Variants in PHYKPL observed in about 807,000 individuals in gnomAD.
PHYKPL encodes 5-phosphonooxy-L-lysine phospho-lyase.
In PHYKPL, 42 loss-of-function variants were observed where a neutral mutation model predicts 51.3. That is an observed-to-expected ratio of 0.82 (90% CI 0.64 to 1.06). PHYKPL has a LOEUF of 1.06. Among genes scored for constraint, PHYKPL ranks in the 50% least tolerant of loss-of-function variants. PHYKPL has a pLI of 0.00. For missense variants in PHYKPL, 655 were observed against 586.6 expected, an observed-to-expected ratio of 1.12 and a Z score of -1.20; for synonymous variants, 264 against 236.0, an observed-to-expected ratio of 1.12 and a Z score of -1.09.
In PHYKPL at chr5:178,224,638, A is replaced by G; in HGVS notation, c.501+4T>C. ...GACCTGTTGTTGAGTTGGGCAGTGC[A>G]TACCACGTGGACCCACTCCTTCTGG... On this transcript the variant is annotated splice_donor_region_variant and intron_variant, in intron 5 of 12. Transcript: ENST00000308158. The G allele has an allele frequency of 6.2e-7, 1 of 1,614,232 alleles. No homozygotes were observed.
At chr5:178,207,691 C>CTTTTTTTTTTTTTTTTTTTTTT, downstream of PHYKPL, among the ~76,000 whole-genome samples, 1 of 78,756 alleles carries the variant, frequency 1.3e-5, no homozygotes, top group Non-Finnish European at 2.3e-5. Flanking sequence ...ACTTTGAGCA[C>CTTTTTTTTTTTTTTTTTTTTTT]TTTTTTTTTT....
In PHYKPL at chr5:178,222,391, C is replaced by T. The variant is rs771407068; in HGVS notation, c.891G>A (p.Arg297=). 4 of 1,613,964 alleles carry T rather than the reference C, an allele frequency of 2.5e-6. No homozygotes were observed. Among genetic ancestry groups the T allele is most frequent in the Non-Finnish European group, 3.4e-6 (4 of 1,179,830 alleles). Residue 297 remains arginine, a synonymous_variant, in exon 8 of 13, where the codon AGG becomes AGA. Coordinates refer to ENST00000308158, the MANE Select transcript of PHYKPL (RefSeq NM_153373.4). ...ACVAATQPVA[R]AFEATGVEYF... ...ACTCAACGCCGGTGGCTTCAAATGC[C>T]CTCGCCACAGGCTGGGTTGCGGCCA...
intron 1 of PHYKPL, chr5:178,231,800 G>C (rs1046015844): frequency 1.4e-6 from 2 of 1,408,844 alleles, no homozygotes; most frequent in Admixed American, 2.2e-5. Context: ...ATGTGTCCGC[G>C]TCAGTCTCCC....
Position 178,231,415 on chromosome 5 carries a change from A to G in PHYKPL, c.168T>C (p.Asn56=), listed in dbSNP as rs1186255696. ...QGAEYIDCIS[N]VAHVGHCHPL... is the part of the protein sequence containing the mutation. ...AGGTGTGATACTGACCGTGCGCCACATTGCTGATGCAATCGATGTATTCTG... is the reference window on the plus strand; with the variant it reads ...AGGTGTGATACTGACCGTGCGCCACGTTGCTGATGCAATCGATGTATTCTG... Residue 56 remains asparagine (N), a synonymous_variant, in exon 2 of 13, where the codon AAT becomes AAC. Transcript: ENST00000308158. 5.6e-6 allele frequency: 9 copies of G among 1,614,070 alleles called. No homozygotes were observed. The highest frequency in any genetic ancestry group is 1.7e-5 in the Admixed American group (1 of 59,994).
chr5:178,211,023 G>A (rs1427714016), intron 12 of PHYKPL: 2 of 197,752 alleles, frequency 1.0e-5, no homozygotes, highest in South Asian at 1.0e-4. Context: ...TTCCTGTAAC[G>A]GAAGTGTTAA....
chr5:178,228,568 C>G (rs771652697), intron 3 of PHYKPL: 2 of 702,614 alleles, frequency 2.8e-6, no homozygotes, highest in South Asian at 3.0e-5. Context: ...AAGTTCCTTT[C>G]TTTGAACTGC....
At chr5:178,232,274 G>T (rs1477512724) in intron 1 of PHYKPL, 7 of 1,240,262 alleles carry the variant, frequency 5.6e-6, no homozygotes, top group Admixed American at 4.1e-5. Flanking sequence ...CGCTGTCGGG[G>T]AGGCGGCCCC....
intron 3 of PHYKPL, among the ~76,000 whole-genome samples, chr5:178,226,927 ATATG>A (rs1762405361): frequency 6.6e-6 from 1 of 152,130 alleles, no homozygotes; most frequent in Non-Finnish European, 1.5e-5. Flanking sequence ...ATTTATATAT[ATATG>A]TGTGTATATA....
rs1199851364 is a variant in PHYKPL at position 178,231,517 on chromosome 5, G to A, written c.66C>T (p.Ser22=). Residue 22 remains serine, a synonymous_variant, in exon 2 of 13, where the codon TCC becomes TCT. Transcript: ENST00000308158. The stretch of plus-strand genomic sequence containing the variant: ...GATCCTCGGGAAAAAAGAGTCTGCA[G>A]GAAGAGCTGTGGGGACAGGCAAGGA... ...LALRQRLISS[S]CRLFFPEDPV... is the part of the protein sequence containing the mutation. 10 of 1,614,076 alleles carry A rather than the reference G, an allele frequency of 6.2e-6. No homozygotes were observed. In the Admixed American group the frequency reaches 1.5e-4, roughly 24 times the overall value.
intron 12 of PHYKPL, chr5:178,210,467 G>A (rs546444884): frequency 6.7e-7 from 1 of 1,499,630 alleles, no homozygotes; most frequent in East Asian, 2.3e-5. Flanking sequence ...CACGGCTGGT[G>A]AGGGTCCTGG....
At chr5:178,223,385 T>G (rs772085566) in intron 6 of PHYKPL, 6 of 456,606 alleles carry the variant, frequency 1.3e-5, no homozygotes, top group Non-Finnish European at 2.2e-5. Context: ...CTGAATGCCT[T>G]TTCCAGTCCA....
intron 3 of PHYKPL, among the ~76,000 whole-genome samples, chr5:178,229,052 C>T (rs929095174): frequency 4.0e-5 from 6 of 151,776 alleles, no homozygotes; most frequent in Non-Finnish European, 1.5e-5. Flanking sequence ...AGGGCCTTTC[C>T]ACAGGCAGTT....
At position 178,229,941 on chromosome 5, in the gene PHYKPL, C is replaced by T; in HGVS notation, c.337G>A (p.Gly113Arg). Residue 113 changes from glycine to arginine, a missense_variant and splice_region_variant, in exon 3 of 13, where the codon GGG becomes AGG. By Grantham distance (125) the Gly-to-Arg change is moderately radical. Coordinates refer to ENST00000308158, the MANE Select transcript of PHYKPL (RefSeq NM_153373.4). ...QLCVFYFLNS[G>R]SEANDLALRL... is the part of the protein sequence containing the mutation. ...GGGGGCTGGCCACAGTCCACTTACC[C>T]AGAATTCAGGAAATAGAACACACAG... The T allele has an allele frequency of 6.2e-7, 1 of 1,613,254 alleles. No individual in the cohort carries two copies.
chr5:178,220,749 T>C (rs1451197526), intron 8 of PHYKPL, among the ~76,000 whole-genome samples: 1 of 144,814 alleles, frequency 6.9e-6, no homozygotes, highest in Admixed American at 6.9e-5. Context: ...AAAAAAAACA[T>C]GGAACGACCT....
chr5:178,210,244 TTACGGC>T (rs758120507), intron 12 of PHYKPL: 2 of 1,613,822 alleles, frequency 1.2e-6, no homozygotes, highest in Non-Finnish European at 1.7e-6. Flanking sequence ...CCTATGGCTA[TTACGGC>T]TACGGCCCCG....
chr5:178,232,400 C>CGCGTGCGTAGTGCGT (rs1554119773), intron 1 of PHYKPL, 92 bp downstream of exon 1: 10 of 1,334,500 alleles, frequency 7.5e-6, no homozygotes, highest in Middle Eastern at 2.8e-4. Flanking sequence ...TAGCCGGAGG[C>CGCGTGCGTAGTGCGT]GCGTGCGTAG....
At position 178,232,533 on chromosome 5, in the gene PHYKPL, G is replaced by A; in HGVS notation, c.18C>T (p.Arg6=). 1.5e-6 allele frequency: 2 copies of A among 1,323,064 alleles called. No individual in the cohort carries two copies. Among genetic ancestry groups the A allele is most frequent in the Non-Finnish European group, 1.9e-6 (2 of 1,043,666 alleles). 82.0% of individuals were successfully genotyped at this position (1,323,064 alleles called of 1,614,324 possible). MAADQ[R]PKADTLALRQ... ...TCAGGGCCAGCGTGTCGGCCTTCGGGCGCTGGTCTGCGGCCATGGTGGGTG... is the reference window on the plus strand; with the variant it reads ...TCAGGGCCAGCGTGTCGGCCTTCGGACGCTGGTCTGCGGCCATGGTGGGTG... Residue 6 remains arginine, a synonymous_variant, in exon 1 of 13, where the codon CGC becomes CGT. Transcript: ENST00000308158.
chr5:178,214,510 T>C (rs1216411427), intron 10 of PHYKPL, among the ~76,000 whole-genome samples: 1 of 152,182 alleles, frequency 6.6e-6, no homozygotes, highest in Non-Finnish European at 1.5e-5. Context: ...TTGGGCATTC[T>C]AGGCAGAGGT....
intron 3 of PHYKPL, among the ~76,000 whole-genome samples, chr5:178,228,948 T>C (rs1162964312): frequency 6.6e-6 from 1 of 152,166 alleles, no homozygotes; most frequent in African/African-American, 2.4e-5. Flanking sequence ...TGATGCGCCC[T>C]GCTTGCCTCC....
Sources: gnomAD v4.1 joint callset for allele counts (sites outside exome capture counted in the v4.1 genomes callset) on GRCh38, gnomAD v4.1.1 for gene constraint, MANE v1.5 for transcripts, NCBI Gene and HGNC (gene_info 2026-07-23, HGNC 2026-07-21) for gene names.